Variants in PSMG2 observed in about 807,000 individuals in gnomAD.
PSMG2 encodes CD40 ligand-activated specific transcript 3.
Under a neutral mutation model 31.5 loss-of-function variants are expected in PSMG2, and 21 were observed. The observed-to-expected ratio is 0.67, with a 90% CI of 0.47 to 0.96. The LOEUF (loss-of-function observed/expected upper bound fraction) is 0.96. Ranked by LOEUF, PSMG2 falls within the 40% of genes least tolerant of loss-of-function variation. The pLI is 0.00. For missense variants in PSMG2, 318 were observed against 321.2 expected, an observed-to-expected ratio of 0.99 and a Z score of 0.08; for synonymous variants, 120 against 110.4, an observed-to-expected ratio of 1.09 and a Z score of -0.54.
At chr18:12,694,462 G>GA (rs763003697) in intron 1 of PSMG2, among the ~76,000 whole-genome samples, 7 of 152,124 alleles carry the variant, frequency 4.6e-5, no homozygotes, top group African/African-American at 9.7e-5. Flanking sequence ...GTGAAGGAAT[G>GA]AAAAAATCTG....
intron 2 of PSMG2, among the ~76,000 whole-genome samples, chr18:12,712,050 C>T (rs2040337744): frequency 6.6e-6 from 1 of 152,184 alleles, no homozygotes; most frequent in African/African-American, 2.4e-5. Context: ...AGCCACCATG[C>T]CCAGCTGCTT....
chr18:12,692,582 T>C (rs1287290221), intron 1 of PSMG2, among the ~76,000 whole-genome samples: 1 of 152,180 alleles, frequency 6.6e-6, no homozygotes, highest in African/African-American at 2.4e-5. Context: ...CCTTAGTCAC[T>C]CGACCTATAA....
upstream of PSMG2, chr18:12,702,588 A>C: frequency 6.3e-7 from 1 of 1,586,900 alleles, no homozygotes; most frequent in Non-Finnish European, 8.5e-7. Flanking sequence ...TCCCCGCCTC[A>C]GATGCCCTAA....
chr18:12,719,488 A>G (rs576920888), intron 4 of PSMG2, among the ~76,000 whole-genome samples: 2 of 151,388 alleles, frequency 1.3e-5, no homozygotes, highest in African/African-American at 4.9e-5. Context: ...CCTGGATTCA[A>G]GCGATTCTCC....
chr18:12,691,843 G>A (rs186700068), intron 1 of PSMG2, among the ~76,000 whole-genome samples: 13 of 151,998 alleles, frequency 8.6e-5, no homozygotes, highest in African/African-American at 2.9e-4. Flanking sequence ...AGCCTCCTGA[G>A]TAGCTGGGAC....
At chr18:12,717,718 T>C (rs2040391025) in intron 3 of PSMG2, among the ~76,000 whole-genome samples, 2 of 152,226 alleles carry the variant, frequency 1.3e-5, no homozygotes, top group African/African-American at 2.4e-5. Context: ...TTTTAGTTGT[T>C]ATCCTTCAGA....
intron 1 of PSMG2, among the ~76,000 whole-genome samples, chr18:12,668,273 C>G (rs1006713113): frequency 6.7e-6 from 1 of 150,340 alleles, no homozygotes; most frequent in African/African-American, 2.5e-5. Flanking sequence ...CCTCCCCCAA[C>G]TCCTCCCACC....
intron 1 of PSMG2, among the ~76,000 whole-genome samples, chr18:12,668,597 C>CAAAAAAAAAAAAAAAAAAAAAAAAAAA (rs752216074): frequency 1.4e-5 from 1 of 72,836 alleles, no homozygotes; most frequent in African/African-American, 5.5e-5. Flanking sequence ...GATTCCATCT[C>CAAAAAAAAAAAAAAAAAAAAAAAAAAA]AAAAAAAAAA....
At chr18:12,668,166 G>C (rs1052734990) in intron 1 of PSMG2, among the ~76,000 whole-genome samples, 2 of 152,080 alleles carry the variant, frequency 1.3e-5, no homozygotes, top group African/African-American at 2.4e-5. Context: ...TTGGGAGGCT[G>C]AGGCAGGAAA....
At chr18:12,688,209 C>T (rs1485877136) in intron 1 of PSMG2, among the ~76,000 whole-genome samples, 24 of 124,398 alleles carry the variant, frequency 1.9e-4, no homozygotes, top group South Asian at 2.7e-4. Flanking sequence ...CCAGCCTGGG[C>T]GAGAGCGAGA....
chr18:12,673,029 A>T (rs1413067193), intron 1 of PSMG2: 1 of 1,014,734 alleles, frequency 9.9e-7, no homozygotes, highest in African/African-American at 1.7e-5. Context: ...TTAGACAAAC[A>T]TCTCTTTGAT....
intron 1 of PSMG2, chr18:12,673,158 G>A (rs2038990155): frequency 8.3e-7 from 1 of 1,198,484 alleles, no homozygotes; most frequent in Non-Finnish European, 1.1e-6. Flanking sequence ...CTAAATTCCA[G>A]GGAGATTTAT....
At chr18:12,675,339 T>C (rs1309526140) in intron 1 of PSMG2, among the ~76,000 whole-genome samples, 1 of 151,928 alleles carries the variant, frequency 6.6e-6, no homozygotes, top group Non-Finnish European at 1.5e-5. Context: ...GAGCTTGCAG[T>C]GAGCCGAGAT....
intron 1 of PSMG2, chr18:12,691,586 CTAA>C: frequency 2.5e-6 from 2 of 807,570 alleles, no homozygotes; most frequent in Non-Finnish European, 1.9e-6. Context: ...CATTACCACC[CTAA>C]TCTGAGTCAT....
At chr18:12,693,318 G>A (rs2039832996) in intron 1 of PSMG2, among the ~76,000 whole-genome samples, 1 of 152,048 alleles carries the variant, frequency 6.6e-6, no homozygotes, top group South Asian at 2.1e-4. Flanking sequence ...CAATGTTTTG[G>A]GAGGCTGAGG....
At chr18:12,671,939 G>A (rs954810581) in intron 1 of PSMG2, among the ~76,000 whole-genome samples, 1 of 152,012 alleles carries the variant, frequency 6.6e-6, no homozygotes, top group African/African-American at 2.4e-5. Flanking sequence ...TCCTGCCTCA[G>A]TCTCCTGAGT....
At chr18:12,709,712 C>T (rs879426239) in intron 2 of PSMG2, among the ~76,000 whole-genome samples, 1 of 151,778 alleles carries the variant, frequency 6.6e-6, no homozygotes, top group Non-Finnish European at 1.5e-5. Flanking sequence ...GCAAGTCAGG[C>T]TGGTGTTGAA....
intron 1 of PSMG2, among the ~76,000 whole-genome samples, chr18:12,659,177 A>G (rs1598597576): frequency 6.6e-6 from 1 of 152,232 alleles, no homozygotes; most frequent in East Asian, 1.9e-4. Context: ...TAGGCAATGT[A>G]TATTAAGTTC....
intron 1 of PSMG2, chr18:12,672,582 A>C (rs1212886179): frequency 1.2e-6 from 1 of 864,164 alleles, no homozygotes; most frequent in Non-Finnish European, 1.4e-6. Flanking sequence ...CAGAAGATAG[A>C]ATCCATGAAG....
Sources: allele counts gnomAD v4.1 joint callset (sites outside exome capture counted in the v4.1 genomes callset), GRCh38; gene constraint gnomAD v4.1.1; transcripts MANE v1.5; gene names NCBI Gene and HGNC (gene_info 2026-07-23, HGNC 2026-07-21).